The following PKHD1 variants were observed in gnomAD, a reference collection of about 807,000 sequenced individuals.
PKHD1 encodes the protein PKHD1 ciliary IPT domain containing fibrocystin/polyductin.
PKHD1 carries 291 observed loss-of-function variants against 412.0 expected under a neutral mutation model. The ratio of observed to expected loss-of-function variants is 0.71; its 90% CI spans 0.64 to 0.78. PKHD1 has a LOEUF of 0.78. Ranked by LOEUF, PKHD1 falls within the 30% of genes least tolerant of loss-of-function variation. PKHD1 has a pLI of 0.00. For synonymous variants in PKHD1, 1,777 were observed against 1,821.5 expected (o/e 0.98, Z 0.62); for missense variants, 4,825 against 4,950.7 (o/e 0.97, Z 0.76).
intron 52 of PKHD1, among the ~76,000 whole-genome samples, chr6:51,804,527 C>G (rs569119921): frequency 6.8e-6 from 1 of 146,836 alleles, no homozygotes; most frequent in Non-Finnish European, 1.5e-5. Context: ...TTGTGTGAAC[C>G]AAAGAGACAC....
At chr6:51,924,577 A>G (rs1459358325) in intron 37 of PKHD1, among the ~76,000 whole-genome samples, 1 of 152,230 alleles carries the variant, frequency 6.6e-6, no homozygotes, top group Non-Finnish European at 1.5e-5. Context: ...TGGCAACTAG[A>G]AAGTAAGTTT....
chr6:52,012,071 C>T (rs959593265), intron 34 of PKHD1, among the ~76,000 whole-genome samples: 2 of 152,200 alleles, frequency 1.3e-5, no homozygotes, highest in African/African-American at 4.8e-5. Context: ...GCATGTAAAG[C>T]TTAGGCTCAG....
chr6:51,987,343 G>A (rs976569079), intron 35 of PKHD1, among the ~76,000 whole-genome samples: 4 of 152,172 alleles, frequency 2.6e-5, no homozygotes, highest in African/African-American at 7.2e-5. Flanking sequence ...AACACTGAAT[G>A]AGCATTTATT....
intron 36 of PKHD1, among the ~76,000 whole-genome samples, chr6:51,939,220 C>G (rs1020185616): frequency 1.3e-5 from 2 of 150,872 alleles, no homozygotes; most frequent in Non-Finnish European, 3.0e-5. Context: ...GGGGCAAGAA[C>G]CCCCCCAACC....
In PKHD1 at chr6:52,015,078, C is replaced by T. The variant is rs1800353299; in HGVS notation, c.5600+2332G>A. Among the ~76,000 whole-genome samples the T allele has an allele frequency of 2.6e-5, 4 of 152,252 alleles. No individual in the cohort carries two copies. The South Asian group carries it at 8.3e-4, about 32-fold the overall frequency. On this transcript the variant is annotated intron_variant, in intron 34 of 66. Transcript: ENST00000371117. ...ACCTATGTGTGTACAAACATATACA[C>T]TATATACAACAGTAGGATCAAATTG... is the stretch of plus-strand genomic sequence containing the variant.
chr6:51,625,022 G>C (rs547125667), intron 66 of PKHD1, among the ~76,000 whole-genome samples: 2 of 152,248 alleles, frequency 1.3e-5, no homozygotes, highest in South Asian at 2.1e-4. Context: ...AAAAAACCTG[G>C]CAACAGTAAA....
chr6:51,839,273 T>C (rs1769759796), intron 50 of PKHD1, among the ~76,000 whole-genome samples: 1 of 152,244 alleles, frequency 6.6e-6, no homozygotes, highest in Non-Finnish European at 1.5e-5. Flanking sequence ...ATTGTACATA[T>C]GTTTTCTCAG....
intron 52 of PKHD1, among the ~76,000 whole-genome samples, chr6:51,800,288 T>C (rs1356020109): frequency 6.6e-6 from 1 of 152,184 alleles, no homozygotes; most frequent in Non-Finnish European, 1.5e-5. Context: ...GAAAGTGTTC[T>C]ATTTTTACAA....
chr6:51,665,022 T>G (rs1018628570), intron 60 of PKHD1, among the ~76,000 whole-genome samples: 1 of 152,164 alleles, frequency 6.6e-6, no homozygotes, highest in Non-Finnish European at 1.5e-5. Flanking sequence ...AATATACTCA[T>G]TTTGATTCAA....
At chr6:51,926,823 G>GA (rs990326697) in intron 37 of PKHD1, among the ~76,000 whole-genome samples, 8 of 151,968 alleles carry the variant, frequency 5.3e-5, no homozygotes, top group Admixed American at 2.6e-4. Context: ...AGACAGAACA[G>GA]AAAAAAAACC....
intron 55 of PKHD1, among the ~76,000 whole-genome samples, chr6:51,765,377 C>T (rs779568977): frequency 6.6e-6 from 1 of 152,062 alleles, no homozygotes; most frequent in Non-Finnish European, 1.5e-5. Context: ...TGCATAAAAC[C>T]CTTCAGTGAT....
intron 52 of PKHD1, among the ~76,000 whole-genome samples, chr6:51,813,366 C>G (rs9474083): frequency 6.6e-6 from 1 of 151,808 alleles, no homozygotes; most frequent in Admixed American, 6.6e-5. Context: ...ATTATAATAA[C>G]GGGTACATTG....
chr6:51,683,676 A>G (rs1777015662), intron 60 of PKHD1, among the ~76,000 whole-genome samples: 1 of 152,048 alleles, frequency 6.6e-6, no homozygotes, highest in African/African-American at 2.4e-5. Flanking sequence ...AGATTTTGGT[A>G]AATTCCGGGG....
At chr6:51,908,968 T>C (rs923323720) in intron 40 of PKHD1, among the ~76,000 whole-genome samples, 1 of 152,154 alleles carries the variant, frequency 6.6e-6, no homozygotes, top group Non-Finnish European at 1.5e-5. Flanking sequence ...TGCTGTATTA[T>C]AGTGATAGTT....
chr6:51,925,826 ATC>A (rs577355637), intron 37 of PKHD1, among the ~76,000 whole-genome samples: 10 of 148,700 alleles, frequency 6.7e-5, no homozygotes, highest in Admixed American at 6.7e-5. Context: ...CTCTCTTTTT[ATC>A]TCTCTCTCTC....
At chr6:51,789,435 T>C (rs1450101875) in intron 53 of PKHD1, among the ~76,000 whole-genome samples, 1 of 152,144 alleles carries the variant, frequency 6.6e-6, no homozygotes, top group Non-Finnish European at 1.5e-5. Context: ...TATTCCCATA[T>C]ATTATATAAT....
intron 55 of PKHD1, among the ~76,000 whole-genome samples, chr6:51,766,688 T>C (rs779513803): frequency 1.9e-4 from 28 of 150,554 alleles, no homozygotes; most frequent in Non-Finnish European, 3.1e-4. Flanking sequence ...TGCAAATATT[T>C]TCTTTTTTTT....
intron 60 of PKHD1, among the ~76,000 whole-genome samples, chr6:51,707,132 G>A (rs1029478159): frequency 1.3e-5 from 2 of 152,290 alleles, no homozygotes; most frequent in Non-Finnish European, 2.9e-5. Flanking sequence ...ATGACAGCCT[G>A]ATAAGTTTGT....
At chr6:51,674,053 G>A (rs148239091) in intron 60 of PKHD1, among the ~76,000 whole-genome samples, 424 of 152,230 alleles carry the variant, frequency 2.8e-3, no homozygotes, top group African/African-American at 9.7e-3. Context: ...GAGGAAAGCT[G>A]GGATATTAAG....
Sources: gnomAD v4.1 joint callset for allele counts (sites outside exome capture counted in the v4.1 genomes callset) on GRCh38, gnomAD v4.1.1 for gene constraint, MANE v1.5 for transcripts, NCBI Gene and HGNC (gene_info 2026-07-23, HGNC 2026-07-21) for gene names.